LGSN: variants seen among roughly 807,000 people sequenced by gnomAD.
The protein encoded by LGSN is lengsin.
Under a neutral mutation model 19.5 loss-of-function variants are expected in LGSN, and 21 were observed. That is an observed-to-expected ratio of 1.07 (90% CI 0.76 to 1.55). The LOEUF (loss-of-function observed/expected upper bound fraction) is 1.55, where lower values mean the gene tolerates loss of function less well. Among genes scored for constraint, LGSN ranks in the 40% most tolerant of loss-of-function variants. The pLI, the probability that LGSN is intolerant of heterozygous loss-of-function variation, is 0.00. For missense variants in LGSN, 673 were observed against 608.5 expected (o/e 1.11, Z -1.12); for synonymous variants, 257 against 215.6 (o/e 1.19, Z -1.68).
At chr6:63,547,760 C>A in the LGSN span, among the ~76,000 whole-genome samples, 1 of 151,696 alleles carries the variant, frequency 6.6e-6, no homozygotes, top group African/African-American at 2.4e-5. Context: ...ATCCACCCCC[C>A]TCGGCCTCCC....
the LGSN span, among the ~76,000 whole-genome samples, chr6:63,522,622 G>A: frequency 6.6e-6 from 1 of 152,190 alleles, no homozygotes; most frequent in African/African-American, 2.4e-5. Context: ...GAACACAATA[G>A]TGTAGCAGCC....
the LGSN span, among the ~76,000 whole-genome samples, chr6:63,366,821 CG>C: frequency 6.6e-6 from 1 of 151,488 alleles, no homozygotes; most frequent in African/African-American, 2.4e-5. Context: ...ACAAACCTGA[CG>C]AAAACAAGCA....
At chr6:63,482,440 G>T in the LGSN span, among the ~76,000 whole-genome samples, 1 of 152,134 alleles carries the variant, frequency 6.6e-6, no homozygotes, top group Non-Finnish European at 1.5e-5. Context: ...ATCCAAAAAG[G>T]TTTATGGGCC....
chr6:63,364,630 T>C, the LGSN span, among the ~76,000 whole-genome samples: 4 of 152,178 alleles, frequency 2.6e-5, no homozygotes, highest in Admixed American at 2.6e-4. Context: ...CAACAGAATA[T>C]ACATTCTTCT....
chr6:63,520,451 AC>A, the LGSN span, among the ~76,000 whole-genome samples: 1 of 152,042 alleles, frequency 6.6e-6, no homozygotes, highest in Non-Finnish European at 1.5e-5. Context: ...ATGTGGCAAA[AC>A]CCCATCTGTA....
At chr6:63,401,399 C>CAAGAAAA in the LGSN span, among the ~76,000 whole-genome samples, 1 of 98,558 alleles carries the variant, frequency 1.0e-5, no homozygotes. Flanking sequence ...AAATCTGTCT[C>CAAGAAAA]AAAAAAAAAA....
At chr6:63,506,247 G>T in the LGSN span, among the ~76,000 whole-genome samples, 481 of 103,364 alleles carry the variant, frequency 4.7e-3, 2 homozygotes, top group African/African-American at 0.018. Flanking sequence ...GTTGTTGGTG[G>T]TGGTGGTGTT....
the LGSN span, among the ~76,000 whole-genome samples, chr6:63,404,508 T>C: frequency 6.6e-6 from 1 of 152,128 alleles, no homozygotes; most frequent in African/African-American, 2.4e-5. Context: ...TTACTCACAG[T>C]TCTGGAGGCT....
the LGSN span, among the ~76,000 whole-genome samples, chr6:63,432,777 T>C: frequency 1.3e-5 from 2 of 152,176 alleles, no homozygotes; most frequent in East Asian, 3.9e-4. Context: ...AAGAACAGCC[T>C]TAAACCCAAA....
the LGSN span, among the ~76,000 whole-genome samples, chr6:63,325,458 A>G: frequency 2.6e-5 from 4 of 152,234 alleles, no homozygotes; most frequent in Admixed American, 2.6e-4. Flanking sequence ...ACTGTTATAA[A>G]CAATTATACA....
the LGSN span, among the ~76,000 whole-genome samples, chr6:63,394,220 C>T: frequency 4.6e-5 from 7 of 152,098 alleles, no homozygotes; most frequent in African/African-American, 2.4e-5. Flanking sequence ...GCCGAGATCA[C>T]GCCACTGCAC....
At chr6:63,318,410 G>A (rs1768949020) in intron 1 of LGSN, among the ~76,000 whole-genome samples, 1 of 152,136 alleles carries the variant, frequency 6.6e-6, no homozygotes, top group Non-Finnish European at 1.5e-5. Flanking sequence ...AATGTCACAT[G>A]TCATCTCTCT....
chr6:63,305,822 A>G (rs1425437990), intron 1 of LGSN, among the ~76,000 whole-genome samples: 1 of 152,074 alleles, frequency 6.6e-6, no homozygotes, highest in Admixed American at 6.6e-5. Flanking sequence ...GAACTTTGGG[A>G]GGCTGAGGTG....
At chr6:63,357,491 C>G in the LGSN span, among the ~76,000 whole-genome samples, 2 of 152,176 alleles carry the variant, frequency 1.3e-5, no homozygotes, top group African/African-American at 2.4e-5. Flanking sequence ...TCTCCAGCAC[C>G]TGTTGTTTCC....
At chr6:63,340,674 T>A in the LGSN span, among the ~76,000 whole-genome samples, 1 of 152,044 alleles carries the variant, frequency 6.6e-6, no homozygotes, top group African/African-American at 2.4e-5. Flanking sequence ...CATGAATTGT[T>A]TTTCTGATTT....
At chr6:63,439,052 T>G in the LGSN span, among the ~76,000 whole-genome samples, 5 of 152,286 alleles carry the variant, frequency 3.3e-5, no homozygotes, top group East Asian at 7.7e-4. Context: ...ATATCCTTTG[T>G]AGGGACATGG....
Position 63,295,038 on chromosome 6 carries a change from G to A in LGSN, c.38C>T (p.Thr13Ile), listed in dbSNP as rs776764495. The A allele has an allele frequency of 3.7e-6, 6 of 1,612,174 alleles. No individual in the cohort carries two copies. In the South Asian group the frequency reaches 6.6e-5, roughly 18 times the overall value. Reference protein sequence around the residue: ...NEEDLLQEDSTRDEGNETEAN... With the variant: ...NEEDLLQEDSIRDEGNETEAN... ...TTCAGTCTCATTGCCTTCATCTCTT[G>A]TTGAGTCCTGTTGATAATTAATAAA... The change falls in exon 2 of 4, where the codon ACA becomes ATA. Residue 13 changes from threonine to isoleucine, a missense_variant. By Grantham distance (89) the Thr-to-Ile change is moderately conservative. Transcript: ENST00000370657.
At chr6:63,403,362 C>A in the LGSN span, among the ~76,000 whole-genome samples, 17,522 of 151,976 alleles carry the variant, frequency 0.12, 2,012 homozygotes, top group African/African-American at 0.3. Flanking sequence ...GATACACACT[C>A]CACATCTAAA....
the LGSN span, among the ~76,000 whole-genome samples, chr6:63,477,228 G>T: frequency 6.6e-6 from 1 of 152,270 alleles, no homozygotes; most frequent in Admixed American, 6.5e-5. Context: ...AGTCAGAAAA[G>T]ACAGACAATA....
Sources: allele counts gnomAD v4.1 joint callset (sites outside exome capture counted in the v4.1 genomes callset), GRCh38; gene constraint gnomAD v4.1.1; transcripts MANE v1.5; gene names NCBI Gene and HGNC (gene_info 2026-07-23, HGNC 2026-07-21).